Variants in DDX52 observed in about 807,000 individuals in gnomAD.
The protein encoded by DDX52 is DExD-box helicase 52, also known as probable ATP-dependent RNA helicase DDX52.
A neutral mutation model predicts 76.1 loss-of-function variants in DDX52; 59 were observed. The observed-to-expected ratio is 0.78, with a 90% confidence interval of 0.63 to 0.96. The LOEUF is 0.96. DDX52 is among the 40% of genes least tolerant of loss of function. DDX52 has a pLI of 0.00. For synonymous variants in DDX52, 231 were observed against 244.1 expected (o/e 0.95, Z 0.50); for missense variants, 707 against 703.9 (o/e 1.00, Z -0.05).
intron 9 of DDX52, among the ~76,000 whole-genome samples, chr17:37,622,991 T>C (rs1157316469): frequency 6.6e-6 from 1 of 152,208 alleles, no homozygotes; most frequent in Non-Finnish European, 1.5e-5. Flanking sequence ...TGCAAAGCTA[T>C]AGTGGTGGAG....
intron 14 of DDX52, among the ~76,000 whole-genome samples, chr17:37,617,894 G>T (rs1330817346): frequency 6.6e-6 from 1 of 152,158 alleles, no homozygotes; most frequent in East Asian, 1.9e-4. Flanking sequence ...GAAGGCTAAG[G>T]CAGGTGGATC....
chr17:37,643,395 C>G lies in DDX52; in HGVS notation c.26G>C (p.Arg9Pro), dbSNP rs761472378. ...GTCGAATTTGGCCCCCGCGCCGAGC[C>G]GGCGAAAGAGATCGTGGACGTCCAT... The part of the protein sequence containing the change: MDVHDLFR[R>P]LGAGAKFDTR... The change falls in exon 1 of 15, where the codon CGG (arginine) becomes CCG (proline). Residue 9 changes from arginine to proline, a missense_variant. Transcript: ENST00000617633. 2.5e-6 allele frequency: 4 copies of G among 1,613,996 alleles called. No individual in the cohort carries two copies. The highest frequency in any genetic ancestry group is 3.4e-6 in the Non-Finnish European group (4 of 1,179,922).
rs1327209665 is a variant in DDX52, at chr17:37,610,195, C to T, written c.*4101G>A. The T allele has an allele frequency of 6.6e-6, 1 of 151,472 alleles. No individual in the cohort carries two copies. Among genetic ancestry groups the T allele is most frequent in the Non-Finnish European group, 1.5e-5 (1 of 68,266 alleles). The allele number at this position is 151,472 out of a possible 1,614,324, so 9.4% of individuals were successfully genotyped here. A position where few individuals can be genotyped will look rare whatever the true frequency, so the allele number is the denominator to read the frequency against. ...CTGGAGTGCAGTGGCATGATCATGG[C>T]TCACAGCAGCCTCAGCCTCCCTGGC... On this transcript the variant is annotated 3_prime_UTR_variant, in exon 15 of 15. Transcript: ENST00000617633.
intron 5 of DDX52, 144 bp downstream of exon 5, chr17:37,629,886 C>G: frequency 2.9e-6 from 3 of 1,023,758 alleles, no homozygotes; most frequent in Non-Finnish European, 2.7e-6. Flanking sequence ...GGAGTAAGAT[C>G]CGGAGCACTG....
rs185865769 is a variant in DDX52 at position 37,626,866 on chromosome 17, G to C, written c.860-6C>G. 4 of 1,604,416 alleles carry C rather than the reference G, an allele frequency of 2.5e-6. No homozygotes were observed. In the African/African-American group the frequency reaches 5.4e-5, roughly 22 times the overall value. On this transcript the variant is annotated splice_region_variant and splice_polypyrimidine_tract_variant and intron_variant, in intron 6 of 14. Transcript: ENST00000617633. ...TGGAGTAGTCACAAGAATATCTATA[G>C]GAAAAACAAATGGTAGAAATTGCAA...
chr17:37,610,819 T>G lies in DDX52; in HGVS notation c.*3477A>C, dbSNP rs978306704. 3 of 148,948 alleles carry G rather than the reference T, an allele frequency of 2.0e-5. No individual in the cohort carries two copies. The highest frequency in any genetic ancestry group is 4.4e-5 in the Non-Finnish European group (3 of 68,028). The allele number at this position is 148,948 out of a possible 1,614,324, so 9.2% of individuals were successfully genotyped here. A position where few individuals can be genotyped will look rare whatever the true frequency, so the allele number is the denominator to read the frequency against. ...TCACCAGAGCCAGCTATTCAATTTT[T>G]ATGTTTTTTCTTTTGCTGTAACTGC... is the stretch of plus-strand genomic sequence containing the variant. On this transcript the variant is annotated 3_prime_UTR_variant, in exon 15 of 15. Transcript: ENST00000617633.
intron 3 of DDX52, 36 bp downstream of exon 3, chr17:37,633,252 A>G: frequency 6.4e-7 from 1 of 1,574,506 alleles, no homozygotes; most frequent in Non-Finnish European, 8.6e-7. Context: ...AGGTCAGAAA[A>G]TATATATACT....
chr17:37,617,089 G>T (rs539225077), intron 14 of DDX52, among the ~76,000 whole-genome samples: 1 of 152,132 alleles, frequency 6.6e-6, no homozygotes, highest in Admixed American at 6.5e-5. Context: ...TCATGTACAC[G>T]AATCTTCTTT....
chr17:37,621,883 T>C (rs992681229), intron 9 of DDX52, among the ~76,000 whole-genome samples: 2 of 152,198 alleles, frequency 1.3e-5, no homozygotes, highest in African/African-American at 4.8e-5. Context: ...TTTAATTCAC[T>C]GGGTTTTTTG....
At chr17:37,631,693 T>C (rs951064755) in intron 4 of DDX52, 34 of 165,500 alleles carry the variant, frequency 2.1e-4, no homozygotes, top group African/African-American at 8.1e-4. Context: ...AAAGCATTTG[T>C]ATTTCTGGAG....
intron 2 of DDX52, among the ~76,000 whole-genome samples, chr17:37,635,320 A>G (rs767943812): frequency 1.7e-4 from 26 of 152,328 alleles, no homozygotes; most frequent in Admixed American, 5.2e-4. Context: ...CTATCACCAC[A>G]TTCAAGGTTA....
intron 9 of DDX52, among the ~76,000 whole-genome samples, chr17:37,621,924 T>TC (rs2030118237): frequency 6.6e-6 from 1 of 152,190 alleles, no homozygotes; most frequent in Admixed American, 6.5e-5. Context: ...TTCTTATGGA[T>TC]TTAGGGGTAC....
chr17:37,610,541 C>T lies in DDX52; in HGVS notation c.*3755G>A, dbSNP rs1299477102. 2.0e-5 allele frequency: 3 copies of T among 149,786 alleles called. No homozygotes were observed. Among genetic ancestry groups the T allele is most frequent in the South Asian group, 2.1e-4 (1 of 4,824 alleles). 9.3% of individuals were successfully genotyped at this position (149,786 alleles called of 1,614,324 possible). A position where few individuals can be genotyped will look rare whatever the true frequency, so the allele number is the denominator to read the frequency against. On this transcript the variant is annotated 3_prime_UTR_variant, in exon 15 of 15. Coordinates refer to ENST00000617633, the MANE Select transcript of DDX52 (RefSeq NM_007010.5). The stretch of plus-strand genomic sequence containing the variant: ...ACAAGTAATGGATTAATTAGCTTTA[C>T]GTTTTCACTCTTGTCTCAAGGTTTT...
chr17:37,624,463 T>C, intron 8 of DDX52, 29 bp from the exon 9 acceptor site: 1 of 1,527,712 alleles, frequency 6.5e-7, no homozygotes, highest in Non-Finnish European at 8.8e-7. Flanking sequence ...TTGTAGTTTG[T>C]AAGAGTTAAT....
At position 37,642,198 on chromosome 17, in the gene DDX52, C is replaced by T. The variant is rs779703699; in HGVS notation, c.198G>A (p.Gln66=). Residue 66 remains glutamine (Q), a synonymous_variant, in exon 2 of 15, where the codon CAG becomes CAA. Coordinates refer to ENST00000617633, the MANE Select transcript of DDX52 (RefSeq NM_007010.5). ...CTTTTTTCTCTCCATTTTGGGGCTT[C>T]TGATGTGTTTGTGATGCTCCACACA... The part of the protein sequence containing the change: ...PGVCGASQTH[Q]KPQNGEKKEE... 4 of 1,614,006 alleles carry T rather than the reference C, an allele frequency of 2.5e-6. No homozygotes were observed. Among genetic ancestry groups the T allele is most frequent in the African/African-American group, 2.7e-5 (2 of 74,880 alleles).
intron 7 of DDX52, 143 bp downstream of exon 7, chr17:37,626,644 TA>T: frequency 1.3e-6 from 1 of 752,744 alleles, no homozygotes; most frequent in Non-Finnish European, 2.2e-6. Flanking sequence ...TGAATTTTTT[TA>T]AAAAACCATT....
Position 37,613,203 on chromosome 17 carries a change from A to C in DDX52, c.*1093T>G, listed in dbSNP as rs1449564122. The stretch of plus-strand genomic sequence containing the variant: ...GCACCAGTCTTACGTATATGAAGTC[A>C]CTTTTTCATTCCATTGTACAAAACT... On this transcript the variant is annotated 3_prime_UTR_variant, in exon 15 of 15. Transcript: ENST00000617633. 1 of 152,208 alleles carries C rather than the reference A, an allele frequency of 6.6e-6. No homozygotes were observed. The highest frequency in any genetic ancestry group is 2.4e-5 in the African/African-American group (1 of 41,440). The allele number at this position is 152,208 out of a possible 1,614,324, so 9.4% of individuals were successfully genotyped here.
chr17:37,629,228 TACACACACAC>T (rs10661586), intron 5 of DDX52, among the ~76,000 whole-genome samples: 3,346 of 133,950 alleles, frequency 0.025, 59 homozygotes, highest in African/African-American at 0.051. Flanking sequence ...CAAGAAAAAA[TACACACACAC>T]ACACACACAC....
chr17:37,636,544 G>A (rs966397722), intron 2 of DDX52, among the ~76,000 whole-genome samples: 1 of 152,068 alleles, frequency 6.6e-6, no homozygotes, highest in African/African-American at 2.4e-5. Context: ...TTACAATACG[G>A]GTGAACTAGA....
Sources: gnomAD v4.1 joint callset for allele counts (sites outside exome capture counted in the v4.1 genomes callset) on GRCh38, gnomAD v4.1.1 for gene constraint, MANE v1.5 for transcripts, NCBI Gene and HGNC (gene_info 2026-07-23, HGNC 2026-07-21) for gene names.